The following HEMK2 variants were observed in gnomAD, a reference collection of about 807,000 sequenced individuals.
The protein encoded by HEMK2 is HemK methyltransferase 2, ETF1 glutamine and histone H4 lysine, also known as methyltransferase HEMK2.
At chr21:28,884,123 C>G in the HEMK2 span, among the ~76,000 whole-genome samples, 1 of 152,206 alleles carries the variant, frequency 6.6e-6, no homozygotes, top group East Asian at 1.9e-4. Context: ...ATCATGGTCT[C>G]ATAAATAATT....
At chr21:28,593,517 A>G in the HEMK2 span, among the ~76,000 whole-genome samples, 2 of 152,210 alleles carry the variant, frequency 1.3e-5, no homozygotes, top group African/African-American at 4.8e-5. Flanking sequence ...CTGTTCTTCA[A>G]TACAAACAAA....
At chr21:28,863,090 C>G in the HEMK2 span, among the ~76,000 whole-genome samples, 1 of 152,016 alleles carries the variant, frequency 6.6e-6, no homozygotes, top group Non-Finnish European at 1.5e-5. Flanking sequence ...CTGGGTGTGT[C>G]TCTGAGGGTG....
chr21:28,738,678 C>T, the HEMK2 span, among the ~76,000 whole-genome samples: 6 of 152,354 alleles, frequency 3.9e-5, no homozygotes, highest in African/African-American at 1.4e-4. Context: ...CACTGCCCCA[C>T]TCCCTGAACT....
the HEMK2 span, among the ~76,000 whole-genome samples, chr21:28,608,503 C>A: frequency 6.7e-6 from 1 of 148,764 alleles, no homozygotes. Context: ...ACTTCATGAA[C>A]TTTTGCTCCA....
the HEMK2 span, among the ~76,000 whole-genome samples, chr21:28,733,966 A>AT: frequency 1.3e-5 from 2 of 152,130 alleles, no homozygotes; most frequent in African/African-American, 4.8e-5. Context: ...CTGTTCTATC[A>AT]TTTTTTGGTT....
chr21:28,749,891 A>G, the HEMK2 span, among the ~76,000 whole-genome samples: 1 of 152,248 alleles, frequency 6.6e-6, no homozygotes, highest in Non-Finnish European at 1.5e-5. Context: ...AAAAACTGGC[A>G]TATTCTCTAA....
the HEMK2 span, among the ~76,000 whole-genome samples, chr21:28,717,345 A>G: frequency 6.6e-6 from 1 of 152,030 alleles, no homozygotes; most frequent in African/African-American, 2.4e-5. Flanking sequence ...TTTTGATTCA[A>G]TCTAGGGTGG....
At chr21:28,806,788 C>T in the HEMK2 span, among the ~76,000 whole-genome samples, 1,124 of 152,190 alleles carry the variant, frequency 7.4e-3, 13 homozygotes, top group African/African-American at 0.025. Flanking sequence ...CCAAAGAATG[C>T]CTGGGTTCAC....
At chr21:28,662,000 A>C in the HEMK2 span, among the ~76,000 whole-genome samples, 1 of 152,162 alleles carries the variant, frequency 6.6e-6, no homozygotes. Context: ...ATTGTTAACT[A>C]AGTATACATT....
chr21:28,839,454 T>C, the HEMK2 span, among the ~76,000 whole-genome samples: 620 of 152,178 alleles, frequency 4.1e-3, 2 homozygotes, highest in African/African-American at 0.015. Context: ...AACAATATGA[T>C]TGATTACCTT....
chr21:28,786,192 C>T, the HEMK2 span, among the ~76,000 whole-genome samples: 28 of 152,280 alleles, frequency 1.8e-4, no homozygotes, highest in South Asian at 8.3e-4. Context: ...CAAATCACAC[C>T]GCCATGTTTC....
the HEMK2 span, among the ~76,000 whole-genome samples, chr21:28,870,964 T>C: frequency 2.6e-5 from 4 of 152,232 alleles, no homozygotes; most frequent in African/African-American, 9.6e-5. Flanking sequence ...TATATTAGTC[T>C]ATTATATCAA....
the HEMK2 span, chr21:28,879,895 G>T: frequency 3.1e-6 from 5 of 1,598,744 alleles, no homozygotes; most frequent in Non-Finnish European, 3.4e-6. Context: ...CACTACATAG[G>T]GGGGATTAAA....
chr21:28,729,835 C>T, the HEMK2 span, among the ~76,000 whole-genome samples: 1 of 152,008 alleles, frequency 6.6e-6, no homozygotes, highest in African/African-American at 2.4e-5. Context: ...GACGGGTTGT[C>T]GAGTGATAAA....
At chr21:28,593,551 G>T in the HEMK2 span, among the ~76,000 whole-genome samples, 6 of 152,160 alleles carry the variant, frequency 3.9e-5, no homozygotes, top group African/African-American at 1.4e-4. Context: ...AGAAATGGCT[G>T]ATTCCAGGGC....
At chr21:28,853,444 T>A in the HEMK2 span, among the ~76,000 whole-genome samples, 1 of 152,300 alleles carries the variant, frequency 6.6e-6, no homozygotes, top group East Asian at 1.9e-4. Context: ...TAATGTCCAT[T>A]CCCATGACTG....
At chr21:28,671,664 T>C in the HEMK2 span, among the ~76,000 whole-genome samples, 1 of 152,172 alleles carries the variant, frequency 6.6e-6, no homozygotes, top group Non-Finnish European at 1.5e-5. Context: ...GAGTGCTTGA[T>C]GCTAATTCCC....
At chr21:28,821,558 C>G in the HEMK2 span, among the ~76,000 whole-genome samples, 1 of 152,126 alleles carries the variant, frequency 6.6e-6, no homozygotes, top group African/African-American at 2.4e-5. Flanking sequence ...CCACCGCACC[C>G]CTTTATCTTA....
chr21:28,589,723 A>G, the HEMK2 span, among the ~76,000 whole-genome samples: 1 of 152,206 alleles, frequency 6.6e-6, no homozygotes, highest in Non-Finnish European at 1.5e-5. Context: ...TTGCTTTGAT[A>G]TAAAAATGGA....
Sources: gnomAD v4.1 joint callset for allele counts (sites outside exome capture counted in the v4.1 genomes callset) on GRCh38, gnomAD v4.1.1 for gene constraint, MANE v1.5 for transcripts, NCBI Gene and HGNC (gene_info 2026-07-23, HGNC 2026-07-21) for gene names.